PID1: variants seen among roughly 807,000 people sequenced by gnomAD.
PID1 encodes PTB-containing, cubilin and LRP1-interacting protein.
In PID1, 10 loss-of-function variants were observed where a neutral mutation model predicts 19.1. The ratio of observed to expected loss-of-function variants is 0.52; its 90% CI spans 0.32 to 0.89. PID1 has a LOEUF of 0.89. Among genes scored for constraint, PID1 ranks in the 40% least tolerant of loss-of-function variants. The probability of loss-of-function intolerance (pLI) is 0.03; values close to 1 mark genes in which losing one functional copy is unlikely to be tolerated. For missense variants in PID1, 248 were observed against 285.3 expected (o/e 0.87, Z 0.94); for synonymous variants, 130 against 116.0 (o/e 1.12, Z -0.78).
At chr2:229,061,856 T>C (rs1041357100) in intron 2 of PID1, among the ~76,000 whole-genome samples, 1 of 152,012 alleles carries the variant, frequency 6.6e-6, no homozygotes, top group Non-Finnish European at 1.5e-5. Context: ...TCTTGACACA[T>C]ATTGTGACTA....
At chr2:229,030,038 T>C (rs1254996600) in intron 2 of PID1, among the ~76,000 whole-genome samples, 1 of 152,050 alleles carries the variant, frequency 6.6e-6, no homozygotes, top group Non-Finnish European at 1.5e-5. Flanking sequence ...CAAAATACAG[T>C]ATATATGTAT....
At position 229,051,046 on chromosome 2, in the gene PID1, C is replaced by T. The variant is rs369526833; in HGVS notation, c.178-24938G>A. Among the ~76,000 whole-genome samples, 16 of 152,104 alleles carry T rather than the reference C, an allele frequency of 1.1e-4. No individual in the cohort carries two copies. The East Asian group carries it at 1.7e-3, about 17-fold the overall frequency. On this transcript the variant is annotated intron_variant, in intron 2 of 2. Transcript: ENST00000392055. The stretch of plus-strand genomic sequence containing the variant: ...GGTGATATGAATCTAGTCTGAATTC[C>T]GAATTTCTTTTAGGATTCTCTACAT...
At chr2:229,109,658 T>C (rs1695255974) in intron 2 of PID1, among the ~76,000 whole-genome samples, 1 of 152,238 alleles carries the variant, frequency 6.6e-6, no homozygotes, top group Admixed American at 6.5e-5. Flanking sequence ...TGAGATATTG[T>C]CTACTTTTGT....
intron 1 of PID1, chr2:229,244,976 A>G (rs1006811795): frequency 6.6e-6 from 1 of 152,132 alleles, no homozygotes; most frequent in African/African-American, 2.4e-5. Flanking sequence ...GCTTCAGGTA[A>G]TAGAAAGGGA....
At chr2:229,139,079 G>GA (rs771738901) in intron 2 of PID1, among the ~76,000 whole-genome samples, 4 of 61,088 alleles carry the variant, frequency 6.5e-5, no homozygotes, top group Non-Finnish European at 9.6e-5. Context: ...AAGAAAGAAA[G>GA]AAAGAAAGAA....
intron 2 of PID1, among the ~76,000 whole-genome samples, chr2:229,097,208 T>C (rs1003374140): frequency 2.6e-5 from 4 of 152,168 alleles, no homozygotes; most frequent in African/African-American, 9.6e-5. Context: ...AACTTCAAAT[T>C]GAAGAAGTCA....
At chr2:229,094,965 T>C (rs1168371848) in intron 2 of PID1, among the ~76,000 whole-genome samples, 1 of 152,190 alleles carries the variant, frequency 6.6e-6, no homozygotes. Flanking sequence ...ACGTTACATG[T>C]ATTATCCCCA....
At chr2:229,070,253 C>G (rs1694425445) in intron 2 of PID1, among the ~76,000 whole-genome samples, 1 of 152,128 alleles carries the variant, frequency 6.6e-6, no homozygotes, top group Non-Finnish European at 1.5e-5. Flanking sequence ...GGCATTGAAG[C>G]CATGCTGCCT....
At chr2:229,099,440 C>A (rs1356572674) in intron 2 of PID1, among the ~76,000 whole-genome samples, 1 of 152,156 alleles carries the variant, frequency 6.6e-6, no homozygotes, top group East Asian at 1.9e-4. Context: ...AGGGCACCAA[C>A]AGCTTAGCTT....
At chr2:229,145,312 A>G (rs1690108449) in intron 2 of PID1, among the ~76,000 whole-genome samples, 1 of 151,542 alleles carries the variant, frequency 6.6e-6, no homozygotes, top group African/African-American at 2.4e-5. Context: ...TACAATTTCC[A>G]CTGGAAACCA....
chr2:229,117,130 C>A (rs997158385), intron 2 of PID1, among the ~76,000 whole-genome samples: 4 of 152,198 alleles, frequency 2.6e-5, no homozygotes, highest in African/African-American at 9.7e-5. Context: ...CGGATCAATA[C>A]AGCCAAGATC....
At chr2:229,263,744 G>A (rs1247430030) in intron 1 of PID1, among the ~76,000 whole-genome samples, 1 of 152,190 alleles carries the variant, frequency 6.6e-6, no homozygotes, top group Non-Finnish European at 1.5e-5. Context: ...GATTAAATAT[G>A]CTTTTCATAT....
At chr2:229,203,211 T>C (rs1302279555) in intron 1 of PID1, among the ~76,000 whole-genome samples, 2 of 152,074 alleles carry the variant, frequency 1.3e-5, no homozygotes, top group Admixed American at 6.6e-5. Context: ...ACATTCCTGA[T>C]ATAGACGGTA....
chr2:229,114,287 A>G (rs991425668), intron 2 of PID1, among the ~76,000 whole-genome samples: 1 of 152,022 alleles, frequency 6.6e-6, no homozygotes, highest in African/African-American at 2.4e-5. Context: ...ATCCAGATCT[A>G]TATTTTTTTC....
chr2:229,171,935 G>A (rs929691269), intron 1 of PID1, among the ~76,000 whole-genome samples: 1 of 152,162 alleles, frequency 6.6e-6, no homozygotes, highest in Non-Finnish European at 1.5e-5. Flanking sequence ...TCTTTTGCAG[G>A]ATGTTGACAA....
intron 1 of PID1, among the ~76,000 whole-genome samples, chr2:229,216,841 T>C (rs531758910): frequency 2.0e-5 from 3 of 152,180 alleles, no homozygotes; most frequent in African/African-American, 7.2e-5. Context: ...CAAAATTCTC[T>C]CCTGAAAAAG....
At chr2:229,152,327 C>T (rs1347101060) in intron 2 of PID1, among the ~76,000 whole-genome samples, 2 of 152,198 alleles carry the variant, frequency 1.3e-5, no homozygotes, top group Non-Finnish European at 2.9e-5. Context: ...CTGATACTCA[C>T]ACAAGTTTCA....
intron 1 of PID1, among the ~76,000 whole-genome samples, chr2:229,220,223 T>G (rs888498154): frequency 2.8e-4 from 43 of 152,132 alleles, no homozygotes; most frequent in Admixed American, 2.4e-3. Context: ...CTTACTATGT[T>G]GCCCAGGCTC....
intron 2 of PID1, among the ~76,000 whole-genome samples, chr2:229,078,510 C>T (rs531048010): frequency 1.5e-3 from 222 of 152,290 alleles, no homozygotes; most frequent in African/African-American, 4.7e-3. Flanking sequence ...TTTGCCCCTT[C>T]AGTATGATAT....
Sources: gnomAD v4.1 joint callset for allele counts (sites outside exome capture counted in the v4.1 genomes callset) on GRCh38, gnomAD v4.1.1 for gene constraint, MANE v1.5 for transcripts, NCBI Gene and HGNC (gene_info 2026-07-23, HGNC 2026-07-21) for gene names.